Variants in PHACTR1 observed in about 807,000 individuals in gnomAD.
PHACTR1 encodes phosphatase and actin regulator 1.
PHACTR1 carries 16 observed loss-of-function variants against 69.2 expected under a neutral mutation model. That is an observed-to-expected ratio of 0.23 (90% CI 0.16 to 0.35). PHACTR1 has a LOEUF of 0.35. Ranked by LOEUF, PHACTR1 falls within the 10% of genes least tolerant of loss-of-function variation. PHACTR1 has a pLI of 1.00. For missense variants in PHACTR1, 510 were observed against 734.7 expected, an observed-to-expected ratio of 0.69 and a Z score of 3.54; for synonymous variants, 312 against 284.5, an observed-to-expected ratio of 1.10 and a Z score of -0.97.
At chr6:12,919,140 CT>C in intron 4 of PHACTR1, among the ~76,000 whole-genome samples, 1 of 151,696 alleles carries the variant, frequency 6.6e-6, no homozygotes, top group African/African-American at 2.4e-5. Context: ...CCTGTAAAGA[CT>C]TTTTTTATTT....
intron 4 of PHACTR1, among the ~76,000 whole-genome samples, chr6:12,891,509 G>A (rs528959270): frequency 3.0e-4 from 45 of 152,262 alleles, no homozygotes; most frequent in African/African-American, 9.4e-4. Context: ...GATGCTATGT[G>A]ACTCAAAGCC....
intron 4 of PHACTR1, among the ~76,000 whole-genome samples, chr6:12,848,559 G>A (rs1779521479): frequency 1.3e-5 from 2 of 152,136 alleles, no homozygotes; most frequent in South Asian, 4.1e-4. Flanking sequence ...TTGATAAAAG[G>A]TTTCTCAAGA....
intron 4 of PHACTR1, among the ~76,000 whole-genome samples, chr6:12,881,512 C>A (rs1783091745): frequency 6.6e-6 from 1 of 152,156 alleles, no homozygotes; most frequent in Non-Finnish European, 1.5e-5. Context: ...ACTCTTCCCC[C>A]AGACATGCCC....
At chr6:13,135,612 T>C (rs1821426803) in intron 5 of PHACTR1, among the ~76,000 whole-genome samples, 1 of 152,232 alleles carries the variant, frequency 6.6e-6, no homozygotes, top group Admixed American at 6.5e-5. Flanking sequence ...TTAAAGCAGC[T>C]GTGACCTTAA....
At chr6:12,806,190 C>G (rs1169279048) in intron 4 of PHACTR1, among the ~76,000 whole-genome samples, 2 of 152,180 alleles carry the variant, frequency 1.3e-5, no homozygotes, top group Admixed American at 1.3e-4. Context: ...ATTTCATAAC[C>G]TAGATAGGAC....
At chr6:13,237,816 C>T (rs1772231647) in intron 10 of PHACTR1, among the ~76,000 whole-genome samples, 1 of 152,208 alleles carries the variant, frequency 6.6e-6, no homozygotes, top group Admixed American at 6.5e-5. Context: ...TCCTCAACTA[C>T]AAACCTGTGT....
chr6:12,779,325 A>G (rs1238639338), intron 4 of PHACTR1, among the ~76,000 whole-genome samples: 1 of 152,166 alleles, frequency 6.6e-6, no homozygotes, highest in Non-Finnish European at 1.5e-5. Context: ...ACAAGAGCAA[A>G]ACTCCATCTC....
At chr6:13,212,347 GC>G (rs1766979310) in intron 8 of PHACTR1, among the ~76,000 whole-genome samples, 1 of 152,032 alleles carries the variant, frequency 6.6e-6, no homozygotes, top group Non-Finnish European at 1.5e-5. Context: ...CCTCCCCATG[GC>G]CCAGAAGCCC....
At chr6:13,255,550 T>C (rs956768560) in intron 10 of PHACTR1, among the ~76,000 whole-genome samples, 6 of 152,134 alleles carry the variant, frequency 3.9e-5, no homozygotes, top group Non-Finnish European at 4.4e-5. Context: ...ACCTGTAAAA[T>C]CAAAAACAAG....
At chr6:12,735,251 C>T (rs1047621272) in intron 3 of PHACTR1, among the ~76,000 whole-genome samples, 1 of 152,080 alleles carries the variant, frequency 6.6e-6, no homozygotes, top group Non-Finnish European at 1.5e-5. Flanking sequence ...TGACCTTCCC[C>T]AAAGCAAGAT....
chr6:12,822,683 C>G (rs1776355140), intron 4 of PHACTR1, among the ~76,000 whole-genome samples: 1 of 152,148 alleles, frequency 6.6e-6, no homozygotes, highest in South Asian at 2.1e-4. Context: ...GGACAGAAGC[C>G]CATCAGGAAA....
chr6:12,990,212 G>A (rs1043009006), intron 4 of PHACTR1, among the ~76,000 whole-genome samples: 2 of 152,216 alleles, frequency 1.3e-5, no homozygotes, highest in Non-Finnish European at 2.9e-5. Context: ...GACCAGACCT[G>A]TGCCACCCTT....
rs919671141 is a variant in PHACTR1, at chr6:13,179,716, A to G, written c.497-2803A>G. 9.6e-6 allele frequency among the ~76,000 whole-genome samples: 1 copy of G among 104,458 alleles called. No homozygotes were observed. The highest frequency in any genetic ancestry group is 3.7e-5 in the African/African-American group (1 of 26,786). 68.5% of individuals were successfully genotyped at this position (104,458 alleles called of 152,430 possible). On this transcript the variant is annotated intron_variant, in intron 6 of 14. Coordinates refer to ENST00000332995, the MANE Select transcript of PHACTR1 (RefSeq NM_030948.6). This position sits in a 1 kb window ranked among gnomAD's most constrained non-coding sequence, Gnocchi z 4.2. ...TAAGTAGATAGAGATAGATAGATAG[A>G]TAGATAGATAGATAGATAGATAGAT...
chr6:13,067,791 G>T (rs1808879381), intron 5 of PHACTR1, among the ~76,000 whole-genome samples: 1 of 152,190 alleles, frequency 6.6e-6, no homozygotes. Flanking sequence ...GGCCTCAGTA[G>T]TTGCTAGATT....
intron 6 of PHACTR1, among the ~76,000 whole-genome samples, chr6:13,165,498 A>G (rs1215108825): frequency 6.6e-5 from 10 of 152,240 alleles, no homozygotes. Context: ...AGTGATAACC[A>G]CAATTGCAAA....
At chr6:13,231,972 A>T (rs551329410) in intron 10 of PHACTR1, among the ~76,000 whole-genome samples, 12 of 152,338 alleles carry the variant, frequency 7.9e-5, no homozygotes, top group African/African-American at 2.9e-4. Flanking sequence ...TTTGTACCAG[A>T]CACTGTTGTG....
chr6:13,014,158 C>CGGGGCG (rs972462891), intron 4 of PHACTR1, among the ~76,000 whole-genome samples: 5 of 151,822 alleles, frequency 3.3e-5, no homozygotes, highest in Admixed American at 3.3e-4. Context: ...CGGGGCCCGT[C>CGGGGCG]GGGGCGGCGG....
chr6:13,039,057 TG>T (rs2127708351), intron 4 of PHACTR1, among the ~76,000 whole-genome samples: 1 of 152,350 alleles, frequency 6.6e-6, no homozygotes, highest in African/African-American at 2.4e-5. Flanking sequence ...CAGAGGAGGC[TG>T]GGAAACATTC....
At chr6:13,252,386 G>A (rs1417119370) in intron 10 of PHACTR1, among the ~76,000 whole-genome samples, 2 of 150,712 alleles carry the variant, frequency 1.3e-5, no homozygotes, top group Admixed American at 1.3e-4. Context: ...AAAAAGAAAA[G>A]GATAAAGTCT....
Sources: gnomAD v4.1 joint callset for allele counts (sites outside exome capture counted in the v4.1 genomes callset) on GRCh38, gnomAD v4.1.1 for gene constraint, Gnocchi (gnomAD v3.1) non-coding constraint, MANE v1.5 for transcripts, NCBI Gene and HGNC (gene_info 2026-07-23, HGNC 2026-07-21) for gene names.